EPB41L3: variants seen among roughly 807,000 people sequenced by gnomAD.
The protein encoded by EPB41L3 is band 4.1-like protein 3.
EPB41L3 carries 57 observed loss-of-function variants against 127.1 expected under a neutral mutation model. The ratio of observed to expected loss-of-function variants is 0.45; its 90% CI spans 0.36 to 0.56. EPB41L3 has a LOEUF of 0.56. Ranked by LOEUF, EPB41L3 falls within the 20% of genes least tolerant of loss-of-function variation. EPB41L3 has a pLI of 0.00. For synonymous variants in EPB41L3, 572 were observed against 549.5 expected (o/e 1.04, Z -0.57); for missense variants, 1,273 against 1,372.2 (o/e 0.93, Z 1.14).
intron 1 of EPB41L3, among the ~76,000 whole-genome samples, chr18:5,513,804 T>C (rs1194779015): frequency 1.3e-5 from 2 of 152,210 alleles, no homozygotes; most frequent in East Asian, 3.8e-4. Flanking sequence ...TAGCCCCTAC[T>C]TATTTATATT....
intron 3 of EPB41L3, among the ~76,000 whole-genome samples, chr18:5,603,444 C>A (rs2094611124): frequency 6.6e-6 from 1 of 152,168 alleles, no homozygotes. Flanking sequence ...CAGGAACCAA[C>A]CTGCAAGTCT....
chr18:5,466,112 A>G (rs1406719381), intron 3 of EPB41L3, among the ~76,000 whole-genome samples: 3 of 152,214 alleles, frequency 2.0e-5, no homozygotes, highest in African/African-American at 7.2e-5. Flanking sequence ...AGCAAACAAC[A>G]TTGGACTGAA....
intron 1 of EPB41L3, among the ~76,000 whole-genome samples, chr18:5,532,087 C>T (rs993399096): frequency 1.3e-5 from 2 of 152,140 alleles, no homozygotes; most frequent in African/African-American, 2.4e-5. Flanking sequence ...GTTCCACTTA[C>T]AATCTAGAAT....
Position 5,478,436 on chromosome 18 carries a change from G to A in EPB41L3, c.186C>T (p.Val62=). 1.9e-6 allele frequency: 3 copies of A among 1,613,974 alleles called. No individual in the cohort carries two copies. Among genetic ancestry groups the A allele is most frequent in the Non-Finnish European group, 2.5e-6 (3 of 1,179,928 alleles). The change falls in exon 3 of 23, where the codon GTC becomes GTT. Residue 62 remains valine, a splice_region_variant and synonymous_variant. Transcript: ENST00000341928. ...CAGCAAACTCCTGTTCCTTGTCAGT[G>A]ACCTGTGAAGAGCAAACAATCAACA... ...AAHSTPVRRE[V]TDKEQEFAAR...
chr18:5,514,010 T>C (rs1004634330), intron 1 of EPB41L3, among the ~76,000 whole-genome samples: 8 of 152,256 alleles, frequency 5.3e-5, no homozygotes, highest in African/African-American at 1.7e-4. Context: ...ACTTTGGTCA[T>C]GTTACTACAG....
At chr18:5,501,067 G>A (rs1000882895) in intron 1 of EPB41L3, among the ~76,000 whole-genome samples, 2 of 152,178 alleles carry the variant, frequency 1.3e-5, no homozygotes, top group African/African-American at 4.8e-5. Context: ...TTTTAAAGGA[G>A]TGCCAGGAGG....
chr18:5,440,439 A>G (rs2146113799), intron 5 of EPB41L3, among the ~76,000 whole-genome samples: 1 of 152,280 alleles, frequency 6.6e-6, no homozygotes, highest in East Asian at 1.9e-4. Flanking sequence ...ATATCCCCAT[A>G]AAGAATATGA....
At chr18:5,513,331 T>C (rs909469455) in intron 1 of EPB41L3, among the ~76,000 whole-genome samples, 18 of 152,140 alleles carry the variant, frequency 1.2e-4, no homozygotes, top group Admixed American at 6.5e-5. Context: ...ATCTACTATG[T>C]AGAGAAAAGA....
At chr18:5,500,042 T>C (rs184337781) in intron 1 of EPB41L3, among the ~76,000 whole-genome samples, 6 of 152,198 alleles carry the variant, frequency 3.9e-5, no homozygotes, top group East Asian at 3.9e-4. Context: ...CTTTCCACTA[T>C]GGCGGCTTTA....
In EPB41L3 at chr18:5,622,950, G is replaced by A. The variant is rs371819168; in HGVS notation, c.-468+5972C>T. ...AGAGAGATTTGTATGGCATAATGCT[G>A]ATTTTTTTTTTTTTTTTTTTTTTTT... is the stretch of plus-strand genomic sequence containing the variant. On this transcript the variant is annotated intron_variant, in intron 1 of 21. Transcript: ENST00000545076. Among the ~76,000 whole-genome samples, 111 of 44,414 alleles carry A rather than the reference G, an allele frequency of 2.5e-3. 1 individual carries two copies. Among genetic ancestry groups the A allele is most frequent in the Admixed American group, 0.012 (48 of 4,160 alleles). The allele number at this position is 44,414 out of a possible 152,430, so 29.1% of individuals were successfully genotyped here.
intron 3 of EPB41L3, among the ~76,000 whole-genome samples, chr18:5,585,819 T>C (rs1222453737): frequency 6.6e-6 from 1 of 152,260 alleles, no homozygotes; most frequent in Non-Finnish European, 1.5e-5. Context: ...AGAATTAGCC[T>C]GAGAAGCGGG....
Position 5,540,131 on chromosome 18 carries a change from A to T in EPB41L3, c.-12+3782T>A, listed in dbSNP as rs530740360. On this transcript the variant is annotated intron_variant, in intron 1 of 22. Transcript: ENST00000341928. ...AAGAAATATGTTGCCTCAATATATA[A>T]ATAAAAATATACTCATTTTTCTTGT... 2.0e-5 allele frequency among the ~76,000 whole-genome samples: 3 copies of T among 152,326 alleles called. No homozygotes were observed. In the East Asian group the frequency reaches 5.8e-4, roughly 29 times the overall value.
intron 3 of EPB41L3, among the ~76,000 whole-genome samples, chr18:5,585,494 G>A (rs1369440020): frequency 1.3e-5 from 2 of 152,066 alleles, no homozygotes; most frequent in Non-Finnish European, 2.9e-5. Context: ...AGTAGAGACG[G>A]GGTTTTGCCA....
At chr18:5,486,184 C>T (rs928471865) in intron 2 of EPB41L3, among the ~76,000 whole-genome samples, 4 of 152,000 alleles carry the variant, frequency 2.6e-5, no homozygotes, top group African/African-American at 7.2e-5. Context: ...AGATATAAAT[C>T]CTCACATACA....
At chr18:5,527,889 C>T (rs1009773404) in intron 1 of EPB41L3, among the ~76,000 whole-genome samples, 23 of 152,178 alleles carry the variant, frequency 1.5e-4, no homozygotes, top group Non-Finnish European at 3.2e-4. Flanking sequence ...TAATAAGAAA[C>T]ACACCATAGA....
upstream of EPB41L3, chr18:5,630,580 A>T (rs1331507337): frequency 2.0e-6 from 1 of 506,250 alleles, no homozygotes; most frequent in Non-Finnish European, 3.9e-6. Flanking sequence ...GGAGGCTGGA[A>T]GGGGCCGCCA....
At chr18:5,448,363 AGAT>A (rs1396036597) in intron 3 of EPB41L3, among the ~76,000 whole-genome samples, 2 of 152,170 alleles carry the variant, frequency 1.3e-5, no homozygotes, top group Admixed American at 6.5e-5. Flanking sequence ...CTTCTAACCC[AGAT>A]GATTTTTTTT....
At chr18:5,496,228 TAGAG>T (rs1266122573) in intron 1 of EPB41L3, among the ~76,000 whole-genome samples, 13 of 152,210 alleles carry the variant, frequency 8.5e-5, no homozygotes, top group Admixed American at 6.5e-4. Flanking sequence ...TTAGAATATA[TAGAG>T]AGAGATATGG....
Position 5,424,249 on chromosome 18 carries a change from A to AGGAAG in EPB41L3, c.1163+12_1163+13insCTTCC. On this transcript the variant is annotated intron_variant, in intron 10 of 22. Coordinates refer to ENST00000341928, the MANE Select transcript of EPB41L3 (RefSeq NM_012307.5). Reference sequence around the variant, plus strand: ...TTATTCCTTAGGGAAAAAACAAAATAATCTCTTCCTACCTGAAAAATGTAT... The same window carrying AGGAAG: ...TTATTCCTTAGGGAAAAAACAAAATAGGAAGATCTCTTCCTACCTGAAAAATGTAT... 1 of 1,539,190 alleles carries AGGAAG rather than the reference A, an allele frequency of 6.5e-7. No individual in the cohort carries two copies. The highest frequency in any genetic ancestry group is 1.3e-5 in the South Asian group (1 of 78,360).
Sources: allele counts gnomAD v4.1 joint callset (sites outside exome capture counted in the v4.1 genomes callset), GRCh38; gene constraint gnomAD v4.1.1; transcripts MANE v1.5; gene names NCBI Gene and HGNC (gene_info 2026-07-23, HGNC 2026-07-21).